The following CD99 variants were observed in gnomAD, a reference collection of about 807,000 sequenced individuals.
The protein encoded by CD99 is CD99 antigen.
CD99 carries 19 observed loss-of-function variants against 28.4 expected under a neutral mutation model. That is an observed-to-expected ratio of 0.67 (90% CI 0.47 to 0.98). The LOEUF is 0.98. Ranked by LOEUF, CD99 falls within the 50% of genes least tolerant of loss-of-function variation. CD99 has a pLI of 0.00. For synonymous variants in CD99, 103 were observed against 92.1 expected, an observed-to-expected ratio of 1.12 and a Z score of -0.67; for missense variants, 283 against 248.8, an observed-to-expected ratio of 1.14 and a Z score of -0.92.
chrX:2,707,700 T>A (rs1157067922), intron 1 of CD99, among the ~76,000 whole-genome samples: 1 of 152,220 alleles, frequency 6.6e-6, no homozygotes, highest in Non-Finnish European at 1.5e-5. Flanking sequence ...GCTGAGGGTC[T>A]GGTCTCTTTG....
Position 2,726,373 on chromosome X carries a change from G to T in CD99, c.475G>T (p.Ala159Ser), listed in dbSNP as rs1047622036. The T allele has an allele frequency of 6.3e-7, 1 of 1,587,978 alleles. No homozygotes were observed. The highest frequency in any genetic ancestry group is 1.3e-5 in the African/African-American group (1 of 74,504). ...QKKKLCFKEN[A>S]EQGEVDMESH... Reference sequence around the variant, plus strand: ...AAAGAAGCTATGCTTCAAAGAAAATGGTAAGTCTCAGTCCGCCGGTGCCTC... The same window carrying T: ...AAAGAAGCTATGCTTCAAAGAAAATTGTAAGTCTCAGTCCGCCGGTGCCTC... The change falls in exon 8 of 10, where the codon GCA becomes TCA. Residue 159 changes from alanine (A) to serine (S), a missense_variant and splice_region_variant. By Grantham distance (99) the Ala-to-Ser change is moderately conservative. Transcript: ENST00000381192.
At chrX:2,708,682 TGGGAGAAG>T (rs1001055863) in intron 1 of CD99, among the ~76,000 whole-genome samples, 2 of 151,266 alleles carry the variant, frequency 1.3e-5, no homozygotes, top group East Asian at 1.9e-4. Context: ...GGGCAGAGGG[TGGGAGAAG>T]GGGAGAAGGG....
intron 8 of CD99, among the ~76,000 whole-genome samples, chrX:2,729,340 T>A (rs2049469773): frequency 6.6e-6 from 1 of 152,156 alleles, no homozygotes; most frequent in Non-Finnish European, 1.5e-5. Flanking sequence ...TAGTCCGTTT[T>A]CACACTGCTA....
intron 1 of CD99, among the ~76,000 whole-genome samples, chrX:2,704,314 A>G (rs2048020394): frequency 6.6e-6 from 1 of 152,184 alleles, no homozygotes; most frequent in African/African-American, 2.4e-5. Context: ...TTTCACGTCT[A>G]TACCCTTGTG....
chrX:2,738,109 C>A, intron 8 of CD99, 91 bp from the exon 9 acceptor site: 2 of 1,192,448 alleles, frequency 1.7e-6, no homozygotes, highest in Non-Finnish European at 2.5e-6. Flanking sequence ...GGAGCGTCGA[C>A]CTCAGGAAAG....
Sources: allele counts gnomAD v4.1 joint callset (sites outside exome capture counted in the v4.1 genomes callset), GRCh38; gene constraint gnomAD v4.1.1; transcripts MANE v1.5; gene names NCBI Gene and HGNC (gene_info 2026-07-23, HGNC 2026-07-21).